Variants in ZNF778 observed in about 807,000 individuals in gnomAD.
The protein encoded by ZNF778 is zinc finger protein 778.
ZNF778 carries 37 observed loss-of-function variants against 23.9 expected under a neutral mutation model. That is an observed-to-expected ratio of 1.54 (90% CI 1.19 to 2.03). The LOEUF is 2.03. ZNF778 is among the 30% of genes most tolerant of loss of function. The pLI is 0.00. For synonymous variants in ZNF778, 483 were observed against 343.9 expected (o/e 1.40, Z -4.48); for missense variants, 1,297 against 934.4 (o/e 1.39, Z -5.06).
rs748339923 is a variant in ZNF778 at position 89,227,853 on chromosome 16, AAC to A, written c.1569_1570del (p.Met524AlafsTer10). On this transcript the variant is annotated frameshift_variant, in exon 7 of 7. Coordinates refer to ENST00000433976, the MANE Select transcript of ZNF778 (RefSeq NM_001201407.2). LOFTEE classifies it low-confidence loss of function (END_TRUNC). ...TTCACAGGGCGCTCAGGCCTCACTA[AAC>A]ACATGCGGACACACACCGGGGAGAA... The A allele has an allele frequency of 6.2e-7, 1 of 1,614,074 alleles. No homozygotes were observed.
At chr16:89,221,963 G>T (rs1003574043) in intron 2 of ZNF778, 129 bp from the exon 3 acceptor site, 3 of 584,296 alleles carry the variant, frequency 5.1e-6, no homozygotes, top group African/African-American at 3.8e-5. Flanking sequence ...ATCTGTGTGT[G>T]TGCGTTTTCC....
chr16:89,225,256 C>T (rs1487582444), intron 5 of ZNF778, among the ~76,000 whole-genome samples: 1 of 151,438 alleles, frequency 6.6e-6, no homozygotes, highest in African/African-American at 2.4e-5. Flanking sequence ...GCTGGGATTA[C>T]AGGTGCGTGC....
intron 5 of ZNF778, 72 bp from the exon 6 acceptor site, chr16:89,225,483 T>C: frequency 8.0e-7 from 1 of 1,243,240 alleles, no homozygotes; most frequent in South Asian, 1.4e-5. Flanking sequence ...TGTTTTTTTT[T>C]CTGCCATGTC....
In ZNF778 at chr16:89,224,816, G is replaced by C; in HGVS notation, c.328+14G>C. The C allele has an allele frequency of 3.3e-6, 5 of 1,498,028 alleles. No individual in the cohort carries two copies. Among genetic ancestry groups the C allele is most frequent in the Non-Finnish European group, 4.5e-6 (5 of 1,114,248 alleles). 92.8% of individuals were successfully genotyped at this position (1,498,028 alleles called of 1,614,324 possible). ...CAGTTCTCCAAGGTAAGTGTGAAGA[G>C]CACGCCTGGTCGATGTCAAGTTTAG... On this transcript the variant is annotated intron_variant, in intron 5 of 6. Coordinates refer to ENST00000433976, the MANE Select transcript of ZNF778 (RefSeq NM_001201407.2).
Position 89,227,454 on chromosome 16 carries a change from G to C in ZNF778, c.1166G>C (p.Arg389Thr), listed in dbSNP as rs1476810850. ...LLNEHGKTHT[R>T]EKPFACVVCG... ...AATGAGCATGGAAAAACTCACACGA[G>C]GGAGAAGCCCTTTGCATGTGTGGTT... Residue 389 changes from arginine to threonine, a missense_variant, in exon 7 of 7, where the codon AGG becomes ACG. Physicochemically the swap from Arg to Thr is moderately conservative, Grantham distance 71 (BLOSUM62 -1). Coordinates refer to ENST00000433976, the MANE Select transcript of ZNF778 (RefSeq NM_001201407.2). The C allele has an allele frequency of 6.2e-7, 1 of 1,613,742 alleles. No homozygotes were observed.
intron 1 of ZNF778, among the ~76,000 whole-genome samples, chr16:89,219,346 T>C (rs1020523488): frequency 1.3e-5 from 2 of 152,218 alleles, no homozygotes; most frequent in Non-Finnish European, 2.9e-5. Flanking sequence ...TTCCTCCATT[T>C]CTTGCTGCTT....
rs747581112 is a variant in ZNF778, at chr16:89,228,487, C to A, written c.2199C>A (p.Asp733Glu). The change falls in exon 7 of 7, where the codon GAC becomes GAA. Residue 733 changes from aspartate to glutamate, a missense_variant. Coordinates refer to ENST00000433976, the MANE Select transcript of ZNF778 (RefSeq NM_001201407.2). ...YTEEQVFVCK[D>E]CGKSFKNSSC... is the part of the protein sequence containing the mutation. Reference sequence around the variant, plus strand: ...AAGAGCAGGTTTTTGTATGTAAGGACTGTGGAAAATCTTTTAAGAATTCCT... The same window carrying A: ...AAGAGCAGGTTTTTGTATGTAAGGAATGTGGAAAATCTTTTAAGAATTCCT... 3 of 1,610,748 alleles carry A rather than the reference C, an allele frequency of 1.9e-6. No homozygotes were observed. The highest frequency in any genetic ancestry group is 2.5e-6 in the Non-Finnish European group (3 of 1,179,068).
intron 4 of ZNF778, 90 bp from the exon 5 acceptor site, chr16:89,224,629 A>T (rs942937599): frequency 2.0e-5 from 19 of 941,706 alleles, no homozygotes; most frequent in South Asian, 4.2e-5. Context: ...AAAAAATAAT[A>T]AAAAAAAGGA....
chr16:89,221,955 CTG>C, intron 2 of ZNF778, 135 bp from the exon 3 acceptor site: 1 of 568,844 alleles, frequency 1.8e-6, no homozygotes, highest in Non-Finnish European at 3.1e-6. Context: ...CACTGTATAT[CTG>C]TGTGTGTGCG....
chr16:89,225,535 TCA>T lies in ZNF778; in HGVS notation c.329-19_329-18del. On this transcript the variant is annotated intron_variant, in intron 5 of 6. Transcript: ENST00000433976. ...ACCAATGAGTTTGATCGTTTTTAGG[TCA>T]TTCTTCTTTCTTTTCAGAATGGCGA... 1.3e-6 allele frequency: 1 copy of T among 745,238 alleles called. No individual in the cohort carries two copies. Among genetic ancestry groups the T allele is most frequent in the African/African-American group, 2.0e-5 (1 of 50,798 alleles). 46.2% of individuals were successfully genotyped at this position (745,238 alleles called of 1,614,324 possible).
At chr16:89,225,806 GA>G (rs922843863) in intron 6 of ZNF778, among the ~76,000 whole-genome samples, 175 bp downstream of exon 6, 6 of 152,174 alleles carry the variant, frequency 3.9e-5, no homozygotes, top group African/African-American at 1.4e-4. Flanking sequence ...ATCCTGTCTT[GA>G]AACTTGGTGC....
chr16:89,221,785 T>TGG (rs1357401537), intron 2 of ZNF778, among the ~76,000 whole-genome samples: 2 of 149,076 alleles, frequency 1.3e-5, no homozygotes, highest in East Asian at 3.9e-4. Context: ...TGTATGACTG[T>TGG]GTGTGTGTGT....
In ZNF778 at chr16:89,222,135, G is replaced by C. The variant is rs767354721; in HGVS notation, c.69G>C (p.Gln23His). Residue 23 changes from glutamine (Q) to histidine (H), a missense_variant, in exon 3 of 7, where the codon CAG (glutamine) becomes CAC (histidine). By Grantham distance (24) the Gln-to-His change is conservative (BLOSUM62 0). Coordinates refer to ENST00000433976, the MANE Select transcript of ZNF778 (RefSeq NM_001201407.2). ...SRDSVCLHEE[Q>H]TQAAGMVAGW... ...ACTCAGTCTGCCTTCATGAAGAACA[G>C]ACACAGGCAGCAGGGATGGTGGCTG... 1.2e-6 allele frequency: 2 copies of C among 1,607,180 alleles called. No homozygotes were observed. The highest frequency in any genetic ancestry group is 4.5e-5 in the East Asian group (2 of 44,448).
At chr16:89,222,441 G>A (rs2031049142) in intron 3 of ZNF778, among the ~76,000 whole-genome samples, 1 of 152,104 alleles carries the variant, frequency 6.6e-6, no homozygotes, top group Non-Finnish European at 1.5e-5. Context: ...TCGGCTCACT[G>A]CAATCTCCGC....
chr16:89,219,822 A>G (rs1268081708), intron 1 of ZNF778, among the ~76,000 whole-genome samples: 1 of 152,266 alleles, frequency 6.6e-6, no homozygotes, highest in Non-Finnish European at 1.5e-5. Flanking sequence ...AAATTAAAAG[A>G]TCTGCAGAGT....
chr16:89,218,529 C>T (rs1277456669), intron 1 of ZNF778, among the ~76,000 whole-genome samples: 1 of 152,226 alleles, frequency 6.6e-6, no homozygotes, highest in Non-Finnish European at 1.5e-5. Flanking sequence ...CGGTGGCTCA[C>T]GCCTGTAATC....
chr16:89,224,458 A>G (rs1567500893), intron 4 of ZNF778, among the ~76,000 whole-genome samples: 2 of 152,134 alleles, frequency 1.3e-5, no homozygotes. Context: ...TCTCTACTAA[A>G]AATACAAAAA....
At position 89,228,753 on chromosome 16, in the gene ZNF778, G is replaced by C; in HGVS notation, c.*191G>C. 7.2e-7 allele frequency: 1 copy of C among 1,394,722 alleles called. No homozygotes were observed. The highest frequency in any genetic ancestry group is 9.3e-7 in the Non-Finnish European group (1 of 1,079,340). The allele number at this position is 1,394,722 out of a possible 1,614,324, so 86.4% of individuals were successfully genotyped here. On this transcript the variant is annotated 3_prime_UTR_variant, in exon 7 of 7. Coordinates refer to ENST00000433976, the MANE Select transcript of ZNF778 (RefSeq NM_001201407.2). Reference sequence around the variant, plus strand: ...AGAGAAAGCCCTCAGTGTTCTCTAAGGTCTTGCTGAATATGGATGGTATCC... The same window carrying C: ...AGAGAAAGCCCTCAGTGTTCTCTAACGTCTTGCTGAATATGGATGGTATCC...
chr16:89,224,680 C>G lies in ZNF778; in HGVS notation c.245-39C>G, dbSNP rs1011742888. ...CACGGGTAGGTTTGTCATCCCCTGCCTGAGCCTCTTCCATCGATGTCTCTT... is the reference window on the plus strand; with the variant it reads ...CACGGGTAGGTTTGTCATCCCCTGCGTGAGCCTCTTCCATCGATGTCTCTT... On this transcript the variant is annotated intron_variant, in intron 4 of 6. Transcript: ENST00000433976. 4 of 1,456,578 alleles carry G rather than the reference C, an allele frequency of 2.7e-6. No individual in the cohort carries two copies. In the African/African-American group the frequency reaches 5.6e-5, roughly 20 times the overall value. 90.2% of individuals were successfully genotyped at this position (1,456,578 alleles called of 1,614,324 possible).
Sources: gnomAD v4.1 joint callset for allele counts (sites outside exome capture counted in the v4.1 genomes callset) on GRCh38, gnomAD v4.1.1 for gene constraint, MANE v1.5 for transcripts, NCBI Gene and HGNC (gene_info 2026-07-23, HGNC 2026-07-21) for gene names.